FAM184A: variants seen among roughly 807,000 people sequenced by gnomAD.
FAM184A encodes family with sequence similarity 184 member A.
In FAM184A, 99 loss-of-function variants were observed where a neutral mutation model predicts 143.8. That is an observed-to-expected ratio of 0.69 (90% CI 0.58 to 0.81). FAM184A has a LOEUF of 0.81. FAM184A is among the 40% of genes least tolerant of loss of function. FAM184A has a pLI of 0.00. For missense variants in FAM184A, 1,217 were observed against 1,310.5 expected (o/e 0.93, Z 1.10); for synonymous variants, 427 against 446.4 (o/e 0.96, Z 0.55).
chr6:119,146,328 G>T (rs1044807123), intron 1 of FAM184A, among the ~76,000 whole-genome samples: 1 of 151,676 alleles, frequency 6.6e-6, no homozygotes, highest in African/African-American at 2.4e-5. Context: ...TGTTCACACA[G>T]AACAAGACTG....
chr6:119,004,432 A>G (rs1302283679), intron 7 of FAM184A, among the ~76,000 whole-genome samples: 1 of 152,262 alleles, frequency 6.6e-6, no homozygotes, highest in East Asian at 1.9e-4. Context: ...TTGCCATTCT[A>G]CATTGTTGGC....
At chr6:118,970,008 A>ATTTTTTTTTTTTTTT (rs11272298) in intron 14 of FAM184A, among the ~76,000 whole-genome samples, 1 of 19,042 alleles carries the variant, frequency 5.3e-5, no homozygotes, top group African/African-American at 1.5e-4. Flanking sequence ...ATATATATAT[A>ATTTTTTTTTTTTTTT]TTTTTTTTTT....
intron 1 of FAM184A, among the ~76,000 whole-genome samples, chr6:119,037,473 T>C (rs1490367924): frequency 2.6e-5 from 4 of 152,216 alleles, no homozygotes; most frequent in Non-Finnish European, 4.4e-5. Flanking sequence ...GCTTTGATAA[T>C]AGTTCATTGG....
intron 1 of FAM184A, among the ~76,000 whole-genome samples, chr6:119,054,057 A>G (rs1039218741): frequency 7.0e-5 from 10 of 143,468 alleles, no homozygotes; most frequent in Admixed American, 1.5e-4. Context: ...AAAAAACCTT[A>G]AAGTTCTCAA....
At chr6:119,069,522 T>C (rs1787602858) in intron 1 of FAM184A, among the ~76,000 whole-genome samples, 1 of 152,188 alleles carries the variant, frequency 6.6e-6, no homozygotes, top group Non-Finnish European at 1.5e-5. Flanking sequence ...AAGGCCAATG[T>C]CTAGAATTTG....
Position 119,121,277 on chromosome 6 carries a change from G to A in FAM184A, c.-202+27801C>T, listed in dbSNP as rs982840940. Among the ~76,000 whole-genome samples, 8 of 152,116 alleles carry A rather than the reference G, an allele frequency of 5.3e-5. No individual in the cohort carries two copies. In the East Asian group the frequency reaches 1.6e-3, roughly 30 times the overall value. ...CTTCCAAGTAGCTGGGCCTACAGGTGCATGTCATCATACCTGGCTAATTTT... is the reference window on the plus strand; with the variant it reads ...CTTCCAAGTAGCTGGGCCTACAGGTACATGTCATCATACCTGGCTAATTTT... On this transcript the variant is annotated intron_variant, in intron 1 of 16. Transcript: ENST00000352896.
chr6:119,014,447 T>C (rs980147421), intron 5 of FAM184A, among the ~76,000 whole-genome samples: 4 of 152,228 alleles, frequency 2.6e-5, no homozygotes, highest in Non-Finnish European at 5.9e-5. Flanking sequence ...CTGTCTGTCA[T>C]ATATTACTAT....
At chr6:118,977,330 C>T (rs1421033679) in intron 11 of FAM184A, among the ~76,000 whole-genome samples, 2 of 152,126 alleles carry the variant, frequency 1.3e-5, no homozygotes, top group African/African-American at 4.8e-5. Flanking sequence ...ACCTGTAATC[C>T]CAGCACTTTG....
At chr6:119,040,109 G>A (rs975930896) in intron 1 of FAM184A, among the ~76,000 whole-genome samples, 9 of 152,176 alleles carry the variant, frequency 5.9e-5, no homozygotes, top group Non-Finnish European at 8.8e-5. Context: ...TCTTCCAAGT[G>A]CACCTTGTTC....
intron 1 of FAM184A, among the ~76,000 whole-genome samples, chr6:119,055,970 G>C (rs141127738): frequency 6.6e-6 from 1 of 152,194 alleles, no homozygotes; most frequent in East Asian, 1.9e-4. Context: ...ACATGCAGAA[G>C]AGTTTAGATT....
chr6:119,024,382 C>A lies in FAM184A; in HGVS notation c.591G>T (p.Glu197Asp). The change falls in exon 2 of 18, where the codon GAG (glutamate) becomes GAT (aspartate). Residue 197 changes from glutamate (E) to aspartate (D), a missense_variant. Coordinates refer to ENST00000338891, the MANE Select transcript of FAM184A (RefSeq NM_024581.6). ...GCTGTGACTTCAATAGCTCTTGTAT[C>A]TCCCGTCTGTGAGCAGCTTGCAAGT... ...LEDLQAAHRR[E>D]IQELLKSQQD... 6 of 1,614,172 alleles carry A rather than the reference C, an allele frequency of 3.7e-6. No homozygotes were observed. Among genetic ancestry groups the A allele is most frequent in the Non-Finnish European group, 5.1e-6 (6 of 1,180,032 alleles).
chr6:119,061,425 A>T (rs1046372094), intron 1 of FAM184A, among the ~76,000 whole-genome samples: 2 of 151,892 alleles, frequency 1.3e-5, no homozygotes, highest in African/African-American at 4.8e-5. Context: ...ATGCAATCAC[A>T]GCTCACTGTA....
intron 12 of FAM184A, among the ~76,000 whole-genome samples, chr6:118,975,669 G>A (rs1783823966): frequency 6.6e-6 from 1 of 152,220 alleles, no homozygotes; most frequent in Non-Finnish European, 1.5e-5. Context: ...ACTTAGTTTA[G>A]TGCTGCTCTA....
chr6:119,024,789 T>G lies in FAM184A; in HGVS notation c.184A>C (p.Asn62His). The G allele has an allele frequency of 6.2e-7, 1 of 1,609,576 alleles. No homozygotes were observed. Among genetic ancestry groups the G allele is most frequent in the Non-Finnish European group, 8.5e-7 (1 of 1,178,872 alleles). The change falls in exon 2 of 18, where the codon AAT (asparagine) becomes CAT (histidine). Residue 62 changes from asparagine to histidine, a missense_variant. Transcript: ENST00000338891. ...TGAATTGCAGATTCATGCTCATCAT[T>G]TTTAGTGTTTAAAGCATATATTACC... The part of the protein sequence containing the change: ...TKVIYALNTK[N>H]DEHESAIQAL...
At chr6:119,022,116 T>C (rs1383950489) in intron 3 of FAM184A, among the ~76,000 whole-genome samples, 2 of 141,316 alleles carry the variant, frequency 1.4e-5, no homozygotes, top group South Asian at 2.4e-4. Context: ...TGAAGTGCAC[T>C]GGCGCAATCT....
chr6:119,094,916 C>T (rs986540747), intron 1 of FAM184A, among the ~76,000 whole-genome samples: 8 of 151,844 alleles, frequency 5.3e-5, no homozygotes, highest in Non-Finnish European at 1.2e-4. Flanking sequence ...TCCCCTGGCA[C>T]CACTGGCTGG....
chr6:118,973,607 G>A (rs1365167267), intron 14 of FAM184A, among the ~76,000 whole-genome samples: 1 of 152,112 alleles, frequency 6.6e-6, no homozygotes, highest in Non-Finnish European at 1.5e-5. Flanking sequence ...TGGAAGAGGA[G>A]AGACTAAAGG....
intron 14 of FAM184A, among the ~76,000 whole-genome samples, chr6:118,968,393 C>A (rs1019765101): frequency 6.6e-6 from 1 of 152,242 alleles, no homozygotes; most frequent in Non-Finnish European, 1.5e-5. Context: ...CCTTGCTGTA[C>A]AATGTGTTAA....
chr6:118,977,313 G>A (rs1269992847), intron 11 of FAM184A, among the ~76,000 whole-genome samples: 2 of 152,186 alleles, frequency 1.3e-5, no homozygotes, highest in African/African-American at 4.8e-5. Context: ...TGGGTGTGGT[G>A]GTTCACACCT....
Sources: gnomAD v4.1 joint callset for allele counts (sites outside exome capture counted in the v4.1 genomes callset) on GRCh38, gnomAD v4.1.1 for gene constraint, MANE v1.5 for transcripts, NCBI Gene and HGNC (gene_info 2026-07-23, HGNC 2026-07-21) for gene names.